Variants in DPEP1 observed in about 807,000 individuals in gnomAD.
DPEP1 encodes dipeptidase 1.
Under a neutral mutation model 42.3 loss-of-function variants are expected in DPEP1, and 50 were observed. That is an observed-to-expected ratio of 1.18 (90% CI 0.94 to 1.50). DPEP1 has a LOEUF of 1.50. Ranked by LOEUF, DPEP1 falls within the 40% of genes most tolerant of loss-of-function variation. The probability of loss-of-function intolerance (pLI) is 0.00; values close to 1 mark genes in which losing one functional copy is unlikely to be tolerated. For synonymous variants in DPEP1, 297 were observed against 234.0 expected (o/e 1.27, Z -2.46); for missense variants, 663 against 553.0 (o/e 1.20, Z -1.99).
At position 89,631,483 on chromosome 16, in the gene DPEP1, A is replaced by G. The variant is rs76878855; in HGVS notation, c.104+969A>G. On this transcript the variant is annotated intron_variant, in intron 2 of 10. Coordinates refer to ENST00000690203, the MANE Select transcript of DPEP1 (RefSeq NM_001389466.1). ...GCCCTGTGTCTGGCATGGTGTCTCC[A>G]CCTGGAAAATGCCTCTGGGCTTTGT... Among the ~76,000 whole-genome samples, 3,707 of 152,276 alleles carry G rather than the reference A, an allele frequency of 0.024. 658 individuals are homozygous for G. The East Asian group carries it at 0.5, about 20-fold the overall frequency.
In DPEP1 at chr16:89,630,446, C is replaced by A. The variant is rs201488723; in HGVS notation, c.36C>A (p.Ala12=). 10 of 1,611,314 alleles carry A rather than the reference C, an allele frequency of 6.2e-6. No individual in the cohort carries two copies. The East Asian group carries it at 2.2e-4, about 36-fold the overall frequency. ...GATGGTGGCTGTGGCCCCTTGTGGC[C>A]GTCTGCACTGCAGACTTCTTTCGGG... The part of the protein sequence containing the change: ...WSGWWLWPLV[A]VCTADFFRDE... The change falls in exon 2 of 11, where the codon GCC becomes GCA. Residue 12 remains alanine, a synonymous_variant. Transcript: ENST00000690203.
chr16:89,633,976 C>T (rs1163335005), intron 2 of DPEP1, among the ~76,000 whole-genome samples: 2 of 152,200 alleles, frequency 1.3e-5, no homozygotes, highest in Admixed American at 1.3e-4. Flanking sequence ...GGTCAGGCCT[C>T]AGCCCCTTCC....
chr16:89,625,037 T>C (rs1402222936), intron 1 of DPEP1, among the ~76,000 whole-genome samples: 1 of 152,186 alleles, frequency 6.6e-6, no homozygotes, highest in African/African-American at 2.4e-5. Context: ...CCTTTGCTAC[T>C]GGGCGTGGGG....
chr16:89,632,955 G>A (rs1340096089), intron 2 of DPEP1, among the ~76,000 whole-genome samples: 1 of 152,172 alleles, frequency 6.6e-6, no homozygotes, highest in Non-Finnish European at 1.5e-5. Context: ...GGCTGCAGGA[G>A]GAGGAGGGAG....
downstream of DPEP1, chr16:89,638,468 A>C (rs548246543): frequency 2.5e-3 from 3,293 of 1,302,792 alleles, 8 homozygotes; most frequent in Non-Finnish European, 2.8e-3. Context: ...CCGGCTCAGG[A>C]GGTGGGGTGT....
At chr16:89,627,625 G>A (rs1350046172) in intron 1 of DPEP1, among the ~76,000 whole-genome samples, 2 of 149,884 alleles carry the variant, frequency 1.3e-5, no homozygotes, top group African/African-American at 4.9e-5. Context: ...AGGAAGGGCA[G>A]GGGAACCCAG....
At chr16:89,629,645 C>T (rs947485976) in intron 1 of DPEP1, among the ~76,000 whole-genome samples, 1 of 152,256 alleles carries the variant, frequency 6.6e-6, no homozygotes, top group Non-Finnish European at 1.5e-5. Flanking sequence ...TCCGTCAGGG[C>T]ACCACCTGGG....
intron 2 of DPEP1, among the ~76,000 whole-genome samples, chr16:89,631,553 G>A (rs549901584): frequency 2.8e-4 from 43 of 152,298 alleles, no homozygotes; most frequent in Admixed American, 2.7e-3. Flanking sequence ...ATGTCTTGTC[G>A]CATAAGAACT....
intron 1 of DPEP1, among the ~76,000 whole-genome samples, chr16:89,621,703 G>C (rs760624616): frequency 5.3e-5 from 8 of 152,220 alleles, no homozygotes; most frequent in Admixed American, 1.3e-4. Context: ...GCGCGTGTGC[G>C]GCTCACCTGT....
intron 1 of DPEP1, among the ~76,000 whole-genome samples, chr16:89,616,096 T>C (rs2049909744): frequency 6.6e-6 from 1 of 150,796 alleles, no homozygotes; most frequent in Non-Finnish European, 1.5e-5. Context: ...AAAAAGTGAA[T>C]TTAAAATGCT....
rs752647919 is a variant in DPEP1, at chr16:89,637,874, A to G, written c.968A>G (p.Asp323Gly). The stretch of plus-strand genomic sequence containing the variant: ...CTGGAGGACGTCTCCAAGTATCCAG[A>G]CCTGATCGCTGAGCTGCTCAGGAGG... ...EGLEDVSKYP[D>G]LIAELLRRNW... is the part of the protein sequence containing the mutation. Residue 323 changes from aspartate (D) to glycine (G), a missense_variant, in exon 10 of 11, where the codon GAC becomes GGC. By Grantham distance (94) the Asp-to-Gly change is moderately conservative. Transcript: ENST00000690203. 31 of 1,612,620 alleles carry G rather than the reference A, an allele frequency of 1.9e-5. No individual in the cohort carries two copies. Among genetic ancestry groups the G allele is most frequent in the Middle Eastern group, 1.6e-4 (1 of 6,080 alleles).
At chr16:89,631,908 G>A (rs533710177) in intron 2 of DPEP1, among the ~76,000 whole-genome samples, 1 of 152,264 alleles carries the variant, frequency 6.6e-6, no homozygotes, top group Non-Finnish European at 1.5e-5. Flanking sequence ...GGAGCAGAGG[G>A]TGGTCCCTGC....
At chr16:89,629,287 G>A (rs1567986321) in intron 1 of DPEP1, among the ~76,000 whole-genome samples, 2 of 152,096 alleles carry the variant, frequency 1.3e-5, no homozygotes, top group Non-Finnish European at 2.9e-5. Context: ...GTTTGCTTGA[G>A]GCCAGGAGTT....
intron 1 of DPEP1, among the ~76,000 whole-genome samples, chr16:89,617,363 A>G (rs998173658): frequency 9.2e-5 from 14 of 152,174 alleles, no homozygotes; most frequent in African/African-American, 3.4e-4. Flanking sequence ...TCACGAGGCC[A>G]CAGGAGCTCC....
intron 4 of DPEP1, 66 bp from the exon 5 acceptor site, chr16:89,636,467 C>T (rs183703490): frequency 1.6e-4 from 263 of 1,595,052 alleles, no homozygotes; most frequent in African/African-American, 1.2e-3. Context: ...CAGCAGGTGC[C>T]GGTCAGGACA....
intron 1 of DPEP1, among the ~76,000 whole-genome samples, chr16:89,617,787 G>GTCGGGCACGGCGGCTCACACCTGTAATC (rs1291607613): frequency 6.6e-6 from 1 of 151,964 alleles, no homozygotes; most frequent in Non-Finnish European, 1.5e-5. Flanking sequence ...GCTGTGGGAG[G>GTCGGGCACGGCGGCTCACACCTGTAATC]CCAAGACGGG....
At chr16:89,631,808 T>C (rs548078385) in intron 2 of DPEP1, among the ~76,000 whole-genome samples, 2 of 151,972 alleles carry the variant, frequency 1.3e-5, no homozygotes, top group East Asian at 3.9e-4. Context: ...AGTGACCCAA[T>C]ATCGGGCCAC....
downstream of DPEP1, among the ~76,000 whole-genome samples, chr16:89,640,874 G>A (rs931470906): frequency 6.6e-6 from 1 of 152,162 alleles, no homozygotes; most frequent in South Asian, 2.1e-4. Flanking sequence ...CGCGGAGACC[G>A]GTAGTGGCCC....
Position 89,627,651 on chromosome 16 carries a change from CTTTTTTTTTTTTTTT to C in DPEP1, c.-106-2641_-106-2627del, listed in dbSNP as rs1175287086. ...GGGAACCCAGTCTTGGATATTTCTT[CTTTTTTTTTTTTTTT>C]TTTTTTTTTTTTGAAACGGAGTCTT... On this transcript the variant is annotated intron_variant, in intron 1 of 10. Coordinates refer to ENST00000690203, the MANE Select transcript of DPEP1 (RefSeq NM_001389466.1). Among the ~76,000 whole-genome samples, 165 of 52,886 alleles carry C rather than the reference CTTTTTTTTTTTTTTT, an allele frequency of 3.1e-3. 3 individuals carry two copies. Among genetic ancestry groups the C allele is most frequent in the African/African-American group, 0.014 (154 of 11,288 alleles). 34.7% of individuals were successfully genotyped at this position (52,886 alleles called of 152,430 possible).
Sources: allele counts gnomAD v4.1 joint callset (sites outside exome capture counted in the v4.1 genomes callset), GRCh38; gene constraint gnomAD v4.1.1; transcripts MANE v1.5; gene names NCBI Gene and HGNC (gene_info 2026-07-23, HGNC 2026-07-21).